The following MERTK variants were observed in gnomAD, a reference collection of about 807,000 sequenced individuals.
MERTK encodes tyrosine-protein kinase Mer.
In MERTK, 69 loss-of-function variants were observed where a neutral mutation model predicts 99.3. The ratio of observed to expected loss-of-function variants is 0.70; its 90% CI spans 0.57 to 0.85. The LOEUF is 0.85. Among genes scored for constraint, MERTK ranks in the 40% least tolerant of loss-of-function variants. MERTK has a pLI of 0.00. For synonymous variants in MERTK, 426 were observed against 467.6 expected (o/e 0.91, Z 1.15); for missense variants, 1,125 against 1,249.4 (o/e 0.90, Z 1.50).
At chr2:111,971,804 T>C (rs1353369271) in intron 6 of MERTK, among the ~76,000 whole-genome samples, 2 of 152,222 alleles carry the variant, frequency 1.3e-5, no homozygotes, top group Admixed American at 6.5e-5. Context: ...TTTGTGCATG[T>C]GGTTTAGGTC....
Position 111,947,483 on chromosome 2 carries a change from G to A in MERTK, c.673G>A (p.Glu225Lys). ...CACCTGTCAGGCTGTGGGCCCGCCT[G>A]AGCCCGTCAACATTTTCTGGGTTCA... ...NLTCQAVGPP[E>K]PVNIFWVQNS... is the part of the protein sequence containing the mutation. The change falls in exon 4 of 19, where the codon GAG (glutamate) becomes AAG (lysine). Residue 225 changes from glutamate to lysine, a missense_variant. Physicochemically the swap from Glu to Lys is moderately conservative, Grantham distance 56 (BLOSUM62 1). Transcript: ENST00000295408. 1 of 1,614,166 alleles carries A rather than the reference G, an allele frequency of 6.2e-7. No individual in the cohort carries two copies. Among genetic ancestry groups the A allele is most frequent in the Non-Finnish European group, 8.5e-7 (1 of 1,180,036 alleles).
At chr2:111,970,137 T>G (rs1676073394) in intron 6 of MERTK, among the ~76,000 whole-genome samples, 1 of 152,032 alleles carries the variant, frequency 6.6e-6, no homozygotes, top group Admixed American at 6.5e-5. Flanking sequence ...TTTAACACCT[T>G]TTTTTGAGAT....
intron 9 of MERTK, chr2:111,996,286 C>G (rs568021535): frequency 6.5e-6 from 1 of 154,376 alleles, no homozygotes; most frequent in Non-Finnish European, 1.5e-5. Flanking sequence ...AGCATAAACT[C>G]GGGCTGCTGG....
chr2:112,011,642 T>C (rs1373813826), intron 15 of MERTK, among the ~76,000 whole-genome samples: 1 of 151,962 alleles, frequency 6.6e-6, no homozygotes, highest in African/African-American at 2.4e-5. Context: ...TCCCAGCTAC[T>C]TGGGAGGCTG....
intron 9 of MERTK, among the ~76,000 whole-genome samples, chr2:111,996,759 G>T (rs1032043211): frequency 1.3e-5 from 2 of 152,148 alleles, no homozygotes; most frequent in African/African-American, 4.8e-5. Context: ...TTACAACATT[G>T]AAAGAACAAA....
intron 8 of MERTK, among the ~76,000 whole-genome samples, chr2:111,986,848 C>T (rs1573621601): frequency 6.6e-6 from 1 of 152,266 alleles, no homozygotes; most frequent in East Asian, 1.9e-4. Context: ...CACAGTGGCT[C>T]ACTTTACTTT....
chr2:111,994,783 AAG>A, intron 9 of MERTK: 12 of 290,536 alleles, frequency 4.1e-5, no homozygotes, highest in South Asian at 9.6e-5. Flanking sequence ...GTCTCAAAAA[AAG>A]AAAAAAAAAA....
chr2:111,993,251 G>A (rs527418508), intron 8 of MERTK, among the ~76,000 whole-genome samples: 1 of 152,220 alleles, frequency 6.6e-6, no homozygotes, highest in African/African-American at 2.4e-5. Context: ...CAACCCAGGT[G>A]CCCCCTTGGT....
intron 1 of MERTK, among the ~76,000 whole-genome samples, chr2:111,905,978 T>C (rs1684130284): frequency 6.6e-6 from 1 of 152,230 alleles, no homozygotes; most frequent in Non-Finnish European, 1.5e-5. Context: ...AGAACATTTA[T>C]ATTTGTGCTT....
At chr2:112,001,372 C>A in intron 11 of MERTK, 86 bp downstream of exon 11, 2 of 1,065,986 alleles carry the variant, frequency 1.9e-6, no homozygotes, top group Non-Finnish European at 2.9e-6. Flanking sequence ...CTAACAAAAG[C>A]CAAAGATGTC....
intron 2 of MERTK, among the ~76,000 whole-genome samples, chr2:111,944,097 G>A (rs1321076194): frequency 6.6e-6 from 1 of 152,038 alleles, no homozygotes; most frequent in Non-Finnish European, 1.5e-5. Flanking sequence ...TCAGAAGTTC[G>A]AGACCAGCCT....
Position 111,969,857 on chromosome 2 carries a change from A to G in MERTK, c.960+1605A>G, listed in dbSNP as rs1676056661. Among the ~76,000 whole-genome samples, 3 of 151,068 alleles carry G rather than the reference A, an allele frequency of 2.0e-5. No homozygotes were observed. In the South Asian group the frequency reaches 6.3e-4, roughly 32 times the overall value. On this transcript the variant is annotated intron_variant, in intron 6 of 18. Transcript: ENST00000295408. Reference sequence around the variant, plus strand: ...CAGGCCCCCGCCACCGCGCCCAGCTAATTTTTTGTATTTTTAGTAGAGACG... The same window carrying G: ...CAGGCCCCCGCCACCGCGCCCAGCTGATTTTTTGTATTTTTAGTAGAGACG...
chr2:112,023,287 G>A (rs984971998), intron 18 of MERTK, among the ~76,000 whole-genome samples: 4 of 152,002 alleles, frequency 2.6e-5, no homozygotes, highest in African/African-American at 9.7e-5. Context: ...GGTGGCGGGC[G>A]CCTGTAGTCC....
intron 16 of MERTK, 147 bp downstream of exon 16, chr2:112,019,669 T>G (rs553611526): frequency 6.9e-6 from 5 of 728,210 alleles, no homozygotes; most frequent in Non-Finnish European, 1.2e-5. Context: ...GATGGAAATA[T>G]GGCTGGGTGT....
chr2:111,997,551 G>C (rs1006359618), intron 10 of MERTK, 75 bp downstream of exon 10: 1 of 1,546,790 alleles, frequency 6.5e-7, no homozygotes, highest in Admixed American at 1.7e-5. Context: ...TGCCTTTCCT[G>C]TTGGGCCAGC....
chr2:111,909,432 T>C (rs1450354987), intron 1 of MERTK, among the ~76,000 whole-genome samples: 1 of 152,166 alleles, frequency 6.6e-6, no homozygotes, highest in African/African-American at 2.4e-5. Context: ...CTGGGGATCT[T>C]AAGAAATTCC....
intron 4 of MERTK, among the ~76,000 whole-genome samples, chr2:111,953,208 C>G (rs1163539678): frequency 1.3e-5 from 2 of 152,206 alleles, no homozygotes; most frequent in East Asian, 3.8e-4. Context: ...TGATGGAAAT[C>G]CTCACTAACA....
Position 111,997,442 on chromosome 2 carries a change from GCCATCAGAAAA to G in MERTK, c.1571_1581del (p.Ala524GlufsTer17). On this transcript the variant is annotated frameshift_variant, in exon 10 of 19. Coordinates refer to ENST00000295408, the MANE Select transcript of MERTK (RefSeq NM_006343.3). LOFTEE classifies it high-confidence loss of function. The stretch of plus-strand genomic sequence containing the variant: ...TGGGTTGATTTTATACATCTCCTTG[GCCATCAGAAAA>G]AGAGTCCAGGAGACAAAGTTTGGGT... 1.2e-6 allele frequency: 2 copies of G among 1,613,964 alleles called. No homozygotes were observed. Among genetic ancestry groups the G allele is most frequent in the Non-Finnish European group, 1.7e-6 (2 of 1,179,976 alleles).
At chr2:111,912,321 A>G (rs1181895212) in intron 1 of MERTK, among the ~76,000 whole-genome samples, 1 of 152,080 alleles carries the variant, frequency 6.6e-6, no homozygotes, top group Non-Finnish European at 1.5e-5. Context: ...TTGCCTCTTA[A>G]TGGGCATTTA....
Sources: allele counts gnomAD v4.1 joint callset (sites outside exome capture counted in the v4.1 genomes callset), GRCh38; gene constraint gnomAD v4.1.1; transcripts MANE v1.5; gene names NCBI Gene and HGNC (gene_info 2026-07-23, HGNC 2026-07-21).